The following LRMDA variants were observed in gnomAD, a reference collection of about 807,000 sequenced individuals.
The protein encoded by LRMDA is leucine rich melanocyte differentiation associated.
In LRMDA, 18 loss-of-function variants were observed where a neutral mutation model predicts 29.8. That is an observed-to-expected ratio of 0.60 (90% CI 0.42 to 0.90). The LOEUF is 0.90. Ranked by LOEUF, LRMDA falls within the 40% of genes least tolerant of loss-of-function variation. The pLI, the probability that LRMDA is intolerant of heterozygous loss-of-function variation, is 0.00. For synonymous variants in LRMDA, 125 were observed against 109.4 expected (o/e 1.14, Z -0.89); for missense variants, 273 against 273.9 (o/e 1.00, Z 0.02).
intron 2 of LRMDA, among the ~76,000 whole-genome samples, chr10:75,698,623 T>C (rs1842268120): frequency 8.2e-6 from 1 of 121,280 alleles, no homozygotes; most frequent in Middle Eastern, 4.7e-3. Flanking sequence ...CACCTCTTTT[T>C]TTTTGTCTTC....
intron 2 of LRMDA, chr10:75,782,889 T>C: frequency 6.2e-7 from 1 of 1,602,848 alleles, no homozygotes; most frequent in Non-Finnish European, 8.5e-7. Flanking sequence ...GAGTACCTGC[T>C]GTTGCTCTCA....
At chr10:76,233,182 C>T (rs1253854188) in intron 5 of LRMDA, among the ~76,000 whole-genome samples, 1 of 151,966 alleles carries the variant, frequency 6.6e-6, no homozygotes, top group African/African-American at 2.4e-5. Context: ...CAAGACTGCC[C>T]CAATAAAACA....
chr10:76,090,532 A>G (rs1013923966), intron 5 of LRMDA, among the ~76,000 whole-genome samples: 1 of 152,218 alleles, frequency 6.6e-6, no homozygotes, highest in Non-Finnish European at 1.5e-5. Flanking sequence ...TTCTGAGTGT[A>G]TACCCCAAAG....
chr10:75,492,536 GGAAA>G, intron 2 of LRMDA, among the ~76,000 whole-genome samples: 1 of 152,308 alleles, frequency 6.6e-6, no homozygotes, highest in East Asian at 1.9e-4. Context: ...TATGAGAAGA[GGAAA>G]GAAAGACTTG....
intron 2 of LRMDA, among the ~76,000 whole-genome samples, chr10:75,453,765 T>C (rs894583585): frequency 2.6e-5 from 4 of 152,204 alleles, no homozygotes; most frequent in African/African-American, 9.7e-5. Flanking sequence ...AGGAGATAGA[T>C]GGTTGGGCAT....
intron 2 of LRMDA, among the ~76,000 whole-genome samples, chr10:75,490,349 A>T (rs886523418): frequency 4.3e-5 from 6 of 138,000 alleles, no homozygotes; most frequent in African/African-American, 2.1e-4. Flanking sequence ...ACACACACAC[A>T]CACACACACA....
chr10:75,987,761 C>T (rs1268906936), intron 2 of LRMDA, among the ~76,000 whole-genome samples: 2 of 152,178 alleles, frequency 1.3e-5, no homozygotes, highest in Non-Finnish European at 2.9e-5. Flanking sequence ...TGGGGCTGTC[C>T]ATTCTTTTGC....
At chr10:76,465,145 A>G (rs893268526) in intron 6 of LRMDA, among the ~76,000 whole-genome samples, 2 of 152,154 alleles carry the variant, frequency 1.3e-5, no homozygotes, top group Non-Finnish European at 2.9e-5. Flanking sequence ...TCCTACTATC[A>G]CACCACTTAG....
chr10:75,989,972 C>T lies in LRMDA; in HGVS notation c.132-46036C>T, dbSNP rs191936629. Among the ~76,000 whole-genome samples, 45 of 152,318 alleles carry T rather than the reference C, an allele frequency of 3.0e-4. No individual in the cohort carries two copies. In the East Asian group the frequency reaches 8.5e-3, roughly 29 times the overall value. Reference sequence around the variant, plus strand: ...TGAGACCCCACAGGCTCCTCCCAGACAGGCCGGCCTCCTTAGGCCTTGGGT... The same window carrying T: ...TGAGACCCCACAGGCTCCTCCCAGATAGGCCGGCCTCCTTAGGCCTTGGGT... On this transcript the variant is annotated intron_variant, in intron 2 of 6. Transcript: ENST00000611255.
chr10:75,995,511 A>G (rs1356340203), intron 2 of LRMDA, among the ~76,000 whole-genome samples: 8 of 152,234 alleles, frequency 5.3e-5, no homozygotes, highest in Admixed American at 2.0e-4. Flanking sequence ...TCTGGCTTTC[A>G]TTAATTACCT....
intron 2 of LRMDA, among the ~76,000 whole-genome samples, chr10:75,889,876 A>G (rs1025342329): frequency 2.0e-5 from 3 of 152,346 alleles, no homozygotes; most frequent in Admixed American, 1.3e-4. Context: ...ACTAAGGGCT[A>G]TAGAGGTTTG....
intron 2 of LRMDA, among the ~76,000 whole-genome samples, chr10:75,671,204 G>A (rs973819928): frequency 1.3e-5 from 2 of 152,160 alleles, no homozygotes; most frequent in Non-Finnish European, 2.9e-5. Flanking sequence ...ATCTTTGAAT[G>A]TGCAATATTG....
intron 2 of LRMDA, among the ~76,000 whole-genome samples, chr10:75,765,056 A>G (rs1370365786): frequency 6.6e-6 from 1 of 151,964 alleles, no homozygotes; most frequent in African/African-American, 2.4e-5. Context: ...TATGAGTGGA[A>G]ACAGACATGA....
In LRMDA at chr10:75,665,079, C is replaced by A. The variant is rs914191652; in HGVS notation, c.131+226585C>A. Among the ~76,000 whole-genome samples the A allele has an allele frequency of 3.9e-5, 6 of 152,158 alleles. 1 individual carries two copies. The South Asian group carries it at 1.0e-3, about 26-fold the overall frequency. ...CTTTGGTCTGGATTTATTAAAGAAG[C>A]CTCCATAGAAGAAATAATTTTTGCA... On this transcript the variant is annotated intron_variant, in intron 2 of 6. Transcript: ENST00000611255.
At chr10:76,510,413 C>CTT (rs35192718) in intron 6 of LRMDA, among the ~76,000 whole-genome samples, 12 of 151,564 alleles carry the variant, frequency 7.9e-5, no homozygotes, top group Non-Finnish European at 1.3e-4. Context: ...CTGTGGCATG[C>CTT]TTTTTTTTGG....
intron 2 of LRMDA, among the ~76,000 whole-genome samples, chr10:75,708,999 A>G (rs2132175587): frequency 6.6e-6 from 1 of 152,310 alleles, no homozygotes; most frequent in African/African-American, 2.4e-5. Context: ...TTTTCCTGGC[A>G]GAAGGACAGG....
At position 75,488,257 on chromosome 10, in the gene LRMDA, T is replaced by C. The variant is rs1397493435; in HGVS notation, c.131+49763T>C. ...CTTCATAATCATGGCACAGTATCTT[T>C]TCCTTTTTCTTAAAAAAAAGAACTT... is the stretch of plus-strand genomic sequence containing the variant. On this transcript the variant is annotated intron_variant, in intron 2 of 6. Transcript: ENST00000611255. Among the ~76,000 whole-genome samples the C allele has an allele frequency of 8.5e-5, 13 of 152,334 alleles. No homozygotes were observed. The East Asian group carries it at 9.6e-4, about 11-fold the overall frequency.
chr10:75,539,120 A>G (rs574089602), intron 2 of LRMDA, among the ~76,000 whole-genome samples: 2 of 152,360 alleles, frequency 1.3e-5, no homozygotes, highest in South Asian at 4.1e-4. Flanking sequence ...CCAACAATGT[A>G]AGGCATTTTC....
At chr10:76,331,350 A>G (rs530295625) in intron 6 of LRMDA, among the ~76,000 whole-genome samples, 23 of 152,338 alleles carry the variant, frequency 1.5e-4, no homozygotes, top group Admixed American at 1.5e-3. Flanking sequence ...GGTCTCACCT[A>G]AGGTCAGGCC....
Sources: allele counts gnomAD v4.1 joint callset (sites outside exome capture counted in the v4.1 genomes callset), GRCh38; gene constraint gnomAD v4.1.1; transcripts MANE v1.5; gene names NCBI Gene and HGNC (gene_info 2026-07-23, HGNC 2026-07-21).